PRKCH: variants seen among roughly 807,000 people sequenced by gnomAD.
PRKCH encodes protein kinase C eta type.
Under a neutral mutation model 82.5 loss-of-function variants are expected in PRKCH, and 28 were observed. That is an observed-to-expected ratio of 0.34 (90% CI 0.25 to 0.47). The LOEUF is 0.47. Among genes scored for constraint, PRKCH ranks in the 20% least tolerant of loss-of-function variants. The pLI is 1.00. For missense variants in PRKCH, 705 were observed against 881.8 expected, an observed-to-expected ratio of 0.80 and a Z score of 2.54; for synonymous variants, 322 against 327.4, an observed-to-expected ratio of 0.98 and a Z score of 0.18.
intron 10 of PRKCH, among the ~76,000 whole-genome samples, chr14:61,507,192 T>C (rs1887186167): frequency 6.6e-6 from 1 of 152,124 alleles, no homozygotes; most frequent in African/African-American, 2.4e-5. Flanking sequence ...GAAAAGTTGC[T>C]CAACATCACT....
At chr14:61,500,878 C>T (rs1033187338) in intron 10 of PRKCH, among the ~76,000 whole-genome samples, 4 of 152,074 alleles carry the variant, frequency 2.6e-5, no homozygotes, top group African/African-American at 9.7e-5. Flanking sequence ...CTATGGAACT[C>T]CTTCAAATGG....
chr14:61,389,923 T>G (rs2046650035), intron 1 of PRKCH, among the ~76,000 whole-genome samples: 2 of 152,168 alleles, frequency 1.3e-5, no homozygotes, highest in African/African-American at 4.8e-5. Flanking sequence ...AAAATGGTCA[T>G]TCGTATCTCT....
chr14:61,226,832 C>A (rs1456186229), intron 1 of PRKCH, among the ~76,000 whole-genome samples: 4 of 152,058 alleles, frequency 2.6e-5, no homozygotes, highest in African/African-American at 9.7e-5. Flanking sequence ...AATAGGCTCC[C>A]CCACCCAAAA....
intron 2 of PRKCH, among the ~76,000 whole-genome samples, chr14:61,404,547 A>T (rs1342188764): frequency 7.6e-6 from 1 of 132,078 alleles, no homozygotes; most frequent in African/African-American, 2.8e-5. Context: ...GTATGCATGT[A>T]CTTAGTAATG....
intron 10 of PRKCH, among the ~76,000 whole-genome samples, chr14:61,518,564 C>T (rs2042859507): frequency 6.6e-6 from 1 of 152,040 alleles, no homozygotes; most frequent in Non-Finnish European, 1.5e-5. Context: ...AAACTCATTT[C>T]CTCTTGTATT....
Position 61,457,201 on chromosome 14 carries a change from G to A in PRKCH, c.986G>A (p.Arg329Lys), listed in dbSNP as rs761123346. The A allele has an allele frequency of 5.6e-6, 9 of 1,614,174 alleles. No homozygotes were observed. The highest frequency in any genetic ancestry group is 7.6e-6 in the Non-Finnish European group (9 of 1,180,022). The change falls in exon 8 of 14, where the codon AGA (arginine) becomes AAA (lysine). Residue 329 changes from arginine to lysine, a missense_variant. Physicochemically the swap from Arg to Lys is conservative, Grantham distance 26. Coordinates refer to ENST00000332981, the MANE Select transcript of PRKCH (RefSeq NM_006255.5). ...AAACTCGTTTCCAGATCGACCCTAA[G>A]ACGACAGGGAAAGGAGAGCAGCAAA... ...TSKLVSRSTL[R>K]RQGKESSKEG...
intron 1 of PRKCH, among the ~76,000 whole-genome samples, chr14:61,213,792 A>T (rs187003673): frequency 7.7e-4 from 117 of 152,298 alleles, no homozygotes; most frequent in Non-Finnish European, 1.5e-3. Context: ...AACAAAATGG[A>T]CTGACCATGT....
chr14:61,549,833 CT>C lies in PRKCH; in HGVS notation c.*4del, dbSNP rs576261679. The C allele has an allele frequency of 4.4e-4, 714 of 1,613,258 alleles. 4 individuals are homozygous for C. Among genetic ancestry groups the C allele is most frequent in the Middle Eastern group, 2.5e-3 (15 of 6,060 alleles). ...GTGTCTCCAGAATTGCAACCATAGC[CT>C]TATGGGGAGTGAGAGAGAGGGCACG... is the stretch of plus-strand genomic sequence containing the variant. On this transcript the variant is annotated 3_prime_UTR_variant, in exon 14 of 14. Transcript: ENST00000332981.
At chr14:61,262,118 G>C (rs1264656414) in intron 1 of PRKCH, among the ~76,000 whole-genome samples, 3 of 151,138 alleles carry the variant, frequency 2.0e-5, no homozygotes, top group African/African-American at 7.3e-5. Context: ...CTACTTGGGA[G>C]GCGGAGGCAG....
intron 9 of PRKCH, among the ~76,000 whole-genome samples, chr14:61,475,617 T>C (rs1885696708): frequency 6.6e-6 from 1 of 152,232 alleles, no homozygotes; most frequent in South Asian, 2.1e-4. Context: ...GTCAAGCTAA[T>C]TGTAGGACTT....
chr14:61,287,129 C>T (rs1053059137), intron 1 of PRKCH, among the ~76,000 whole-genome samples: 4 of 146,010 alleles, frequency 2.7e-5, no homozygotes, highest in African/African-American at 5.2e-5. Context: ...CGCTTGAACC[C>T]GGGAAGCAGA....
chr14:61,319,393 G>A (rs1230355958), upstream of PRKCH, among the ~76,000 whole-genome samples: 1 of 151,988 alleles, frequency 6.6e-6, no homozygotes, highest in Non-Finnish European at 1.5e-5. Flanking sequence ...TCCTCCTTGT[G>A]GGACTGTAAG....
At chr14:61,528,973 C>CGTGTGTGTGTGTGTGTGTGTGTCT (rs2043008246) in intron 10 of PRKCH, 102 bp from the exon 11 acceptor site, 1 of 531,512 alleles carries the variant, frequency 1.9e-6, no homozygotes, top group African/African-American at 2.7e-5. Flanking sequence ...TGTGGCCGCA[C>CGTGTGTGTGTGTGTGTGTGTGTCT]GTGTGTGTGT....
intron 4 of PRKCH, 102 bp downstream of exon 4, chr14:61,445,828 A>C (rs932839034): frequency 1.6e-6 from 2 of 1,245,084 alleles, no homozygotes; most frequent in Admixed American, 3.4e-5. Flanking sequence ...ATTGTGATAA[A>C]TAACTCTCTG....
intron 9 of PRKCH, 118 bp downstream of exon 9, chr14:61,457,797 G>A (rs2140296405): frequency 7.2e-7 from 1 of 1,380,614 alleles, no homozygotes; most frequent in Non-Finnish European, 1.0e-6. Flanking sequence ...GGGCTCCCAA[G>A]GCAGGGTCAT....
At chr14:61,462,464 T>C (rs1263068477) in intron 9 of PRKCH, among the ~76,000 whole-genome samples, 1 of 152,250 alleles carries the variant, frequency 6.6e-6, no homozygotes, top group Non-Finnish European at 1.5e-5. Flanking sequence ...TTAGTTTTGC[T>C]GTCGTTGTTG....
At position 61,527,145 on chromosome 14, in the gene PRKCH, A is replaced by G. The variant is rs555937914; in HGVS notation, c.1434-1930A>G. ...TATTTACAGACAGCTTTATCAGTAC[A>G]TGGCCATGTTCCTGCCGACCTTGAG... On this transcript the variant is annotated intron_variant, in intron 10 of 13. Coordinates refer to ENST00000332981, the MANE Select transcript of PRKCH (RefSeq NM_006255.5). Among the ~76,000 whole-genome samples the G allele has an allele frequency of 3.3e-5, 5 of 152,300 alleles. No homozygotes were observed. In the East Asian group the frequency reaches 7.7e-4, roughly 24 times the overall value.
chr14:61,408,936 G>A (rs769661729), intron 2 of PRKCH, among the ~76,000 whole-genome samples: 2 of 152,208 alleles, frequency 1.3e-5, no homozygotes, highest in Non-Finnish European at 1.5e-5. Context: ...CTGTGGGTAT[G>A]AGAATTTCAG....
At chr14:61,399,895 G>GA (rs35192338) in intron 2 of PRKCH, among the ~76,000 whole-genome samples, 53 of 151,674 alleles carry the variant, frequency 3.5e-4, no homozygotes, top group African/African-American at 1.2e-3. Context: ...AGCTTGTTTA[G>GA]AAAAAAAAGG....
Sources: gnomAD v4.1 joint callset for allele counts (sites outside exome capture counted in the v4.1 genomes callset) on GRCh38, gnomAD v4.1.1 for gene constraint, MANE v1.5 for transcripts, NCBI Gene and HGNC (gene_info 2026-07-23, HGNC 2026-07-21) for gene names.